Variants in DNM3 observed in about 807,000 individuals in gnomAD.
The protein encoded by DNM3 is dynamin-3.
A neutral mutation model predicts 101.6 loss-of-function variants in DNM3; 47 were observed. The observed-to-expected ratio is 0.46, with a 90% CI of 0.37 to 0.59. The LOEUF (loss-of-function observed/expected upper bound fraction) is 0.59. DNM3 is among the 20% of genes least tolerant of loss of function. DNM3 has a pLI of 0.00. For missense variants in DNM3, 849 were observed against 1,085.7 expected (o/e 0.78, Z 3.06); for synonymous variants, 385 against 387.9 (o/e 0.99, Z 0.09).
intron 3 of DNM3, among the ~76,000 whole-genome samples, chr1:171,988,158 A>G (rs1293824102): frequency 6.6e-6 from 1 of 152,172 alleles, no homozygotes; most frequent in African/African-American, 2.4e-5. Context: ...GATGTCTTGC[A>G]GCCATATATA....
At chr1:171,892,907 A>G (rs1203210367) in intron 1 of DNM3, among the ~76,000 whole-genome samples, 3 of 150,030 alleles carry the variant, frequency 2.0e-5, no homozygotes, top group Non-Finnish European at 4.4e-5. Context: ...TCAGACAGGA[A>G]GCGGAGCTCA....
intron 20 of DNM3, among the ~76,000 whole-genome samples, chr1:172,396,190 G>C (rs6424894): frequency 5.3e-5 from 8 of 152,002 alleles, no homozygotes; most frequent in African/African-American, 1.9e-4. Context: ...TTTTCTGGTC[G>C]AAGTTATCAG....
chr1:171,854,247 C>T (rs538530260), intron 1 of DNM3, among the ~76,000 whole-genome samples: 5 of 152,238 alleles, frequency 3.3e-5, no homozygotes, highest in South Asian at 2.1e-4. Context: ...GTTCTGTGAT[C>T]GAAGGCAATC....
rs1279532208 is a variant in DNM3 at position 172,411,272 on chromosome 1, T to G, written c.*3431T>G. 3.0e-6 allele frequency: 3 copies of G among 985,038 alleles called. No individual in the cohort carries two copies. The African/African-American group carries it at 5.2e-5, about 17-fold the overall frequency. 61.0% of individuals were successfully genotyped at this position (985,038 alleles called of 1,614,324 possible). Reference sequence around the variant, plus strand: ...TATGAGGTATACAAAATTTTCTAACTCCAGATTGTAGTCATTTTGAGAGGT... The same window carrying G: ...TATGAGGTATACAAAATTTTCTAACGCCAGATTGTAGTCATTTTGAGAGGT... On this transcript the variant is annotated 3_prime_UTR_variant, in exon 21 of 21. Transcript: ENST00000627582.
At chr1:171,999,203 G>A (rs779108716) in intron 4 of DNM3, among the ~76,000 whole-genome samples, 4 of 152,078 alleles carry the variant, frequency 2.6e-5, no homozygotes, top group Non-Finnish European at 5.9e-5. Context: ...GTGAGGTGAT[G>A]TGCTTTGGAA....
chr1:172,219,035 G>A (rs777527797), intron 14 of DNM3, among the ~76,000 whole-genome samples: 8 of 151,930 alleles, frequency 5.3e-5, no homozygotes, highest in Non-Finnish European at 1.0e-4. Flanking sequence ...TAATGTGTTA[G>A]GCATGGTATC....
At chr1:172,246,594 A>G (rs1466810922) in intron 14 of DNM3, among the ~76,000 whole-genome samples, 6 of 152,190 alleles carry the variant, frequency 3.9e-5, no homozygotes, top group African/African-American at 9.7e-5. Context: ...AGATGAGAAG[A>G]TACAATTAGA....
chr1:171,966,941 GT>G (rs1203573811), intron 2 of DNM3, among the ~76,000 whole-genome samples: 1 of 152,150 alleles, frequency 6.6e-6, no homozygotes, highest in Admixed American at 6.6e-5. Flanking sequence ...AGTTTTCTGG[GT>G]TGTAAATCAG....
chr1:172,307,622 C>G (rs2064891945), intron 15 of DNM3, among the ~76,000 whole-genome samples: 1 of 152,130 alleles, frequency 6.6e-6, no homozygotes, highest in Non-Finnish European at 1.5e-5. Context: ...TTGGAACTGA[C>G]CCAAATGTCC....
chr1:172,346,091 C>A (rs1274826000), intron 17 of DNM3, among the ~76,000 whole-genome samples: 2 of 140,274 alleles, frequency 1.4e-5, no homozygotes, highest in Non-Finnish European at 3.0e-5. Context: ...CCACTGCATT[C>A]CAGCCTGGGC....
chr1:172,143,098 G>T (rs1459675757), intron 14 of DNM3, among the ~76,000 whole-genome samples: 3 of 152,078 alleles, frequency 2.0e-5, no homozygotes, highest in African/African-American at 7.2e-5. Flanking sequence ...ATTTTGGGGT[G>T]ATCAGAAGGG....
rs1378193625 is a variant in DNM3 at position 171,998,296 on chromosome 1, T to C, written c.589+9148T>C. Among the ~76,000 whole-genome samples, 4 of 152,164 alleles carry C rather than the reference T, an allele frequency of 2.6e-5. No homozygotes were observed. In the East Asian group the frequency reaches 7.7e-4, roughly 29 times the overall value. Reference sequence around the variant, plus strand: ...GTTAAAGTTACACTGTGGTTTGCTCTAAACTTCTAGATCAAATATTGTGAA... The same window carrying C: ...GTTAAAGTTACACTGTGGTTTGCTCCAAACTTCTAGATCAAATATTGTGAA... On this transcript the variant is annotated intron_variant, in intron 4 of 20. Transcript: ENST00000627582.
intron 14 of DNM3, among the ~76,000 whole-genome samples, chr1:172,198,095 T>A (rs1049954134): frequency 6.6e-6 from 1 of 152,164 alleles, no homozygotes; most frequent in African/African-American, 2.4e-5. Flanking sequence ...ATGCCTAGTT[T>A]ATTGAGAGTT....
chr1:172,037,341 G>C (rs946787647), intron 6 of DNM3, among the ~76,000 whole-genome samples: 1 of 152,082 alleles, frequency 6.6e-6, no homozygotes, highest in African/African-American at 2.4e-5. Context: ...ATATGCACAC[G>C]TATGTTTATT....
intron 14 of DNM3, among the ~76,000 whole-genome samples, chr1:172,224,358 T>A (rs1259527849): frequency 6.6e-6 from 1 of 152,168 alleles, no homozygotes; most frequent in African/African-American, 2.4e-5. Context: ...ACTGAATTCA[T>A]TTTAGTATTG....
intron 16 of DNM3, chr1:172,309,865 C>G (rs1411811182): frequency 6.6e-6 from 1 of 152,208 alleles, no homozygotes. Context: ...GGATTGAGGA[C>G]TTGCACCAAA....
chr1:172,096,582 T>A (rs1332423246), intron 13 of DNM3, among the ~76,000 whole-genome samples: 4 of 152,278 alleles, frequency 2.6e-5, no homozygotes, highest in Non-Finnish European at 4.4e-5. Context: ...ATGATTTAGG[T>A]ACAAGTAAGA....
chr1:172,061,782 G>A (rs1009095072), intron 10 of DNM3, among the ~76,000 whole-genome samples: 2 of 151,590 alleles, frequency 1.3e-5, no homozygotes, highest in Non-Finnish European at 2.9e-5. Context: ...GCACCAGCAT[G>A]GCACATGTAT....
chr1:172,146,243 T>A (rs542576925), intron 14 of DNM3, among the ~76,000 whole-genome samples: 1 of 152,182 alleles, frequency 6.6e-6, no homozygotes, highest in Non-Finnish European at 1.5e-5. Context: ...AAGCTTCAAG[T>A]GAGTACTGTC....
Sources: allele counts gnomAD v4.1 joint callset (sites outside exome capture counted in the v4.1 genomes callset), GRCh38; gene constraint gnomAD v4.1.1; transcripts MANE v1.5; gene names NCBI Gene and HGNC (gene_info 2026-07-23, HGNC 2026-07-21).